Variants in FBXO47 observed in about 807,000 individuals in gnomAD.
The protein encoded by FBXO47 is F-box only protein 47.
In FBXO47, 34 loss-of-function variants were observed where a neutral mutation model predicts 53.9. The ratio of observed to expected loss-of-function variants is 0.63; its 90% confidence interval spans 0.48 to 0.84. The LOEUF is 0.84. Ranked by LOEUF, FBXO47 falls within the 40% of genes least tolerant of loss-of-function variation. The pLI, the probability that FBXO47 is intolerant of heterozygous loss-of-function variation, is 0.00. For missense variants in FBXO47, 485 were observed against 541.3 expected (o/e 0.90, Z 1.03); for synonymous variants, 165 against 181.6 (o/e 0.91, Z 0.73).
chr17:38,949,209 G>C (rs1905082089), intron 6 of FBXO47, among the ~76,000 whole-genome samples: 1 of 152,016 alleles, frequency 6.6e-6, no homozygotes, highest in Non-Finnish European at 1.5e-5. Context: ...TTGAGCCCAG[G>C]AGTTTGAGAC....
rs594415 is a variant in FBXO47 at position 38,936,990 on chromosome 17, G to T, written c.*185C>A. 1 allele frequency: 394,522 copies of T among 394,770 alleles called. 197,138 individuals are homozygous for T. The highest frequency in any genetic ancestry group is 1 in the Middle Eastern group (1,556 of 1,556). The allele number at this position is 394,770 out of a possible 1,614,324, so 24.5% of individuals were successfully genotyped here. Reference sequence around the variant, plus strand: ...AGAGAAATCTCAGCACATTCTTGAGGCTGCCTGTTATTTTTATATTAATAA... The same window carrying T: ...AGAGAAATCTCAGCACATTCTTGAGTCTGCCTGTTATTTTTATATTAATAA... On this transcript the variant is annotated 3_prime_UTR_variant, in exon 11 of 11. Coordinates refer to ENST00000378079, the MANE Select transcript of FBXO47 (RefSeq NM_001008777.3).
At chr17:38,956,886 C>T (rs1481251154) in intron 4 of FBXO47, among the ~76,000 whole-genome samples, 1 of 152,066 alleles carries the variant, frequency 6.6e-6, no homozygotes, top group African/African-American at 2.4e-5. Flanking sequence ...TTAAAACTTC[C>T]TCAGGATTTG....
chr17:38,943,863 T>G, intron 7 of FBXO47, 127 bp from the exon 8 acceptor site: 3 of 871,382 alleles, frequency 3.4e-6, no homozygotes, highest in Non-Finnish European at 5.3e-6. Context: ...TTTTAACTTT[T>G]GAAACAAGAA....
At chr17:38,946,087 C>T (rs1904768011) in intron 6 of FBXO47, among the ~76,000 whole-genome samples, 1 of 109,882 alleles carries the variant, frequency 9.1e-6, no homozygotes, top group South Asian at 2.7e-4. Context: ...TATATAAATA[C>T]ATAAATATAT....
intron 4 of FBXO47, 56 bp from the exon 5 acceptor site, chr17:38,954,989 G>T: frequency 7.9e-7 from 1 of 1,273,694 alleles, no homozygotes; most frequent in Non-Finnish European, 1.1e-6. Context: ...GTTTGACAAT[G>T]GTGGAACAAT....
intron 6 of FBXO47, among the ~76,000 whole-genome samples, chr17:38,946,034 T>C (rs1399229778): frequency 1.7e-5 from 2 of 114,604 alleles, no homozygotes; most frequent in East Asian, 2.3e-4. Context: ...TAAAAATATA[T>C]ATAAATATAT....
At chr17:38,947,973 G>A (rs1905024643) in intron 6 of FBXO47, among the ~76,000 whole-genome samples, 1 of 151,984 alleles carries the variant, frequency 6.6e-6, no homozygotes, top group African/African-American at 2.4e-5. Flanking sequence ...GCTTTACTGA[G>A]ATATAAATCA....
intron 8 of FBXO47, among the ~76,000 whole-genome samples, chr17:38,943,245 A>G (rs1460877066): frequency 1.3e-5 from 2 of 152,214 alleles, no homozygotes; most frequent in East Asian, 3.8e-4. Context: ...AGGAATAGGA[A>G]TAATTGTTTC....
intron 1 of FBXO47, among the ~76,000 whole-genome samples, chr17:38,964,242 C>G (rs1905972994): frequency 6.6e-6 from 1 of 151,948 alleles, no homozygotes; most frequent in African/African-American, 2.4e-5. Context: ...GGTGGAACAC[C>G]TGGGGTCAGG....
At chr17:38,954,344 C>A (rs1905449889) in intron 5 of FBXO47, among the ~76,000 whole-genome samples, 1 of 151,916 alleles carries the variant, frequency 6.6e-6, no homozygotes, top group African/African-American at 2.4e-5. Flanking sequence ...TTAGTCAATA[C>A]ATGTAAACTG....
chr17:38,951,239 A>C (rs538662084), intron 6 of FBXO47, among the ~76,000 whole-genome samples: 9 of 151,452 alleles, frequency 5.9e-5, no homozygotes, highest in Non-Finnish European at 1.0e-4. Flanking sequence ...TCTGTTGCTC[A>C]GGTTGAGTGT....
chr17:38,947,023 C>T (rs1904959813), intron 6 of FBXO47, among the ~76,000 whole-genome samples: 3 of 128,930 alleles, frequency 2.3e-5, no homozygotes, highest in East Asian at 2.3e-4. Context: ...TATATATAAA[C>T]ATATACAAAT....
Position 38,944,966 on chromosome 17 carries a change from G to C in FBXO47, c.787C>G (p.Gln263Glu), listed in dbSNP as rs776412068. The C allele has an allele frequency of 1.1e-5, 17 of 1,613,378 alleles. No homozygotes were observed. Among genetic ancestry groups the C allele is most frequent in the Non-Finnish European group, 1.4e-5 (17 of 1,179,528 alleles). ...CTGAAAGATGGGTGCTCACCATCTT[G>C]AGGAGATATTGGCCCAAAGATGATA... Reference protein sequence around the residue: ...LYIIFGPISPQDGQVVWQEMI... With the variant: ...LYIIFGPISPEDGQVVWQEMI... Residue 263 changes from glutamine to glutamate, a missense_variant, in exon 7 of 11, where the codon CAA (glutamine) becomes GAA (glutamate). Physicochemically the swap from Gln to Glu is conservative, Grantham distance 29. Transcript: ENST00000378079.
chr17:38,952,834 T>TTTTTTTTTTTTG (rs1905363773), intron 5 of FBXO47, among the ~76,000 whole-genome samples: 1 of 109,324 alleles, frequency 9.1e-6, no homozygotes, highest in East Asian at 2.6e-4. Flanking sequence ...TTTTTTTTTT[T>TTTTTTTTTTTTG]GTAGAGATGG....
chr17:38,967,004 A>G (rs1906163814), intron 1 of FBXO47, among the ~76,000 whole-genome samples: 1 of 151,990 alleles, frequency 6.6e-6, no homozygotes. Flanking sequence ...GATAAAAACT[A>G]CATTCACAGG....
intron 9 of FBXO47, among the ~76,000 whole-genome samples, chr17:38,941,515 T>C: frequency 6.6e-6 from 1 of 150,944 alleles, no homozygotes; most frequent in Admixed American, 6.7e-5. Flanking sequence ...TGCTGTGTTT[T>C]CCAGGCTGCT....
At position 38,938,695 on chromosome 17, in the gene FBXO47, A is replaced by C; in HGVS notation, c.1121T>G (p.Val374Gly). Residue 374 changes from valine (V) to glycine (G), a missense_variant, in exon 10 of 11, where the codon GTT (valine) becomes GGT (glycine). Coordinates refer to ENST00000378079, the MANE Select transcript of FBXO47 (RefSeq NM_001008777.3). Reference protein sequence around the residue: ...EKELYCMDWTVKMMQKVCKVF... With the variant: ...EKELYCMDWTGKMMQKVCKVF... ...TTTGCAGACTTTTTGCATCATTTTA[A>C]CTGTCCAATCCATGCAGTACAGTTC... The C allele has an allele frequency of 6.2e-7, 1 of 1,613,078 alleles. No individual in the cohort carries two copies. Among genetic ancestry groups the C allele is most frequent in the Non-Finnish European group, 8.5e-7 (1 of 1,179,270 alleles).
intron 1 of FBXO47, among the ~76,000 whole-genome samples, chr17:38,966,453 G>T (rs1454285742): frequency 6.6e-6 from 1 of 152,148 alleles, no homozygotes; most frequent in African/African-American, 2.4e-5. Flanking sequence ...GCCTGCCCCG[G>T]CCTCCCAAAG....
chr17:38,939,337 TA>T (rs1904397803), intron 9 of FBXO47, among the ~76,000 whole-genome samples: 1 of 123,630 alleles, frequency 8.1e-6, no homozygotes, highest in African/African-American at 3.1e-5. Flanking sequence ...TATATATATA[TA>T]TATATATGTA....
Sources: gnomAD v4.1 joint callset for allele counts (sites outside exome capture counted in the v4.1 genomes callset) on GRCh38, gnomAD v4.1.1 for gene constraint, MANE v1.5 for transcripts, NCBI Gene and HGNC (gene_info 2026-07-23, HGNC 2026-07-21) for gene names.